DMKN: variants seen among roughly 807,000 people sequenced by gnomAD.
The protein encoded by DMKN is epidermis-specific secreted protein SK30/SK89.
A neutral mutation model predicts 67.6 loss-of-function variants in DMKN; 58 were observed. That is an observed-to-expected ratio of 0.86 (90% CI 0.69 to 1.07). DMKN has a LOEUF of 1.07. DMKN is among the 50% of genes least tolerant of loss of function. The pLI is 0.00. For missense variants in DMKN, 596 were observed against 601.5 expected, an observed-to-expected ratio of 0.99 and a Z score of 0.10; for synonymous variants, 240 against 232.3, an observed-to-expected ratio of 1.03 and a Z score of -0.30.
chr19:35,508,900 T>G (rs1465266483), intron 7 of DMKN, among the ~76,000 whole-genome samples: 1 of 152,116 alleles, frequency 6.6e-6, no homozygotes, highest in Admixed American at 6.5e-5. Context: ...ACTACTTATA[T>G]ACTTAAAACT....
intron 9 of DMKN, among the ~76,000 whole-genome samples, chr19:35,504,401 A>T (rs1005533241): frequency 1.3e-5 from 2 of 152,060 alleles, no homozygotes; most frequent in African/African-American, 4.8e-5. Flanking sequence ...ACATAGTGAA[A>T]GCCCATCTCT....
In DMKN at chr19:35,509,960, C is replaced by A; in HGVS notation, c.989G>T (p.Cys330Phe). The change falls in exon 7 of 16, where the codon TGT becomes TTT. Residue 330 changes from cysteine to phenylalanine, a missense_variant and splice_region_variant. Transcript: ENST00000339686. ...SGGGNGHKPG[C>F]EKPGNEARGS... ...GCGGGCTTCATTCCCTGGCTTTTCA[C>A]ACTGCCGGGGAGAGAAAGGGGAGAC... 6.2e-7 allele frequency: 1 copy of A among 1,614,176 alleles called. No individual in the cohort carries two copies. Among genetic ancestry groups the A allele is most frequent in the Non-Finnish European group, 8.5e-7 (1 of 1,180,016 alleles).
Position 35,513,216 on chromosome 19 carries a change from G to A in DMKN, c.260C>T (p.Pro87Leu), listed in dbSNP as rs754473029. 16 of 1,614,130 alleles carry A rather than the reference G, an allele frequency of 9.9e-6. No homozygotes were observed. The African/African-American group carries it at 1.9e-4, about 19-fold the overall frequency. The change falls in exon 1 of 16, where the codon CCA (proline) becomes CTA (leucine). Residue 87 changes from proline (P) to leucine (L), a missense_variant. Coordinates refer to ENST00000339686, the MANE Select transcript of DMKN (RefSeq NM_033317.5). ...EAVGTGVRQV[P>L]GFGVADALGN... ...CAAAGCATCTGCTACGCCAAAGCCT[G>A]GAACCTGCCTGACTCCAGTGCCAAC... is the stretch of plus-strand genomic sequence containing the variant.
chr19:35,503,328 A>G, intron 9 of DMKN: 2 of 1,536,490 alleles, frequency 1.3e-6, no homozygotes, highest in Non-Finnish European at 1.8e-6. Flanking sequence ...GGTTTATTTC[A>G]AGGGCAAGGG....
chr19:35,500,971 C>T (rs950257125), intron 11 of DMKN, among the ~76,000 whole-genome samples: 6 of 152,214 alleles, frequency 3.9e-5, no homozygotes, highest in African/African-American at 7.2e-5. Context: ...TGCACACCGA[C>T]GCCATGCCCC....
At chr19:35,505,889 G>A in intron 8 of DMKN, 50 bp downstream of exon 8, 7 of 1,614,102 alleles carry the variant, frequency 4.3e-6, no homozygotes, top group Non-Finnish European at 5.9e-6. Context: ...GCCAAGGGCA[G>A]GGGTTGGTTT....
At chr19:35,504,684 T>C (rs561322834) in intron 9 of DMKN, among the ~76,000 whole-genome samples, 2 of 152,056 alleles carry the variant, frequency 1.3e-5, no homozygotes, top group East Asian at 3.9e-4. Context: ...TACTCTCCTG[T>C]CTCCTCAATC....
intron 7 of DMKN, chr19:35,506,419 G>C (rs2069528179): frequency 1.5e-6 from 1 of 648,244 alleles, no homozygotes; most frequent in Non-Finnish European, 2.8e-6. Flanking sequence ...TCAATATTCA[G>C]ACTCTTGCCT....
chr19:35,507,286 C>A, intron 7 of DMKN: 2 of 554,968 alleles, frequency 3.6e-6, no homozygotes, highest in Non-Finnish European at 3.2e-6. Context: ...ATGAATGAAC[C>A]AAAGATGGAG....
At chr19:35,510,536 G>T in intron 5 of DMKN, 2 of 1,536,092 alleles carry the variant, frequency 1.3e-6, no homozygotes, top group Non-Finnish European at 1.8e-6. Context: ...GCCCGGCCGC[G>T]CAGTAGCCGC....
chr19:35,505,657 C>A, intron 9 of DMKN, 61 bp downstream of exon 9: 2 of 1,606,804 alleles, frequency 1.2e-6, no homozygotes, highest in Non-Finnish European at 1.7e-6. Context: ...CCCCAGCTCA[C>A]AGAGCGGAGG....
intron 10 of DMKN, 67 bp downstream of exon 10, chr19:35,502,763 G>T: frequency 6.4e-7 from 1 of 1,567,520 alleles, no homozygotes. Context: ...TGGCTGCCTT[G>T]AGGGAGGCTT....
chr19:35,506,148 G>C, intron 7 of DMKN, 162 bp from the exon 8 acceptor site: 1 of 1,555,830 alleles, frequency 6.4e-7, no homozygotes, highest in Non-Finnish European at 8.6e-7. Flanking sequence ...TCCACCAACA[G>C]CGTCACCTCC....
chr19:35,498,654 C>A lies in DMKN; in HGVS notation c.*62G>T, dbSNP rs2067846231. The stretch of plus-strand genomic sequence containing the variant: ...AGGATATACCAAGATCCTGGCCCTG[C>A]CCCGGGTGACTGTGCCTCCACTGCC... On this transcript the variant is annotated intron_variant, in intron 15 of 15. Coordinates refer to ENST00000339686, the MANE Select transcript of DMKN (RefSeq NM_033317.5). 25 of 1,607,370 alleles carry A rather than the reference C, an allele frequency of 1.6e-5. No individual in the cohort carries two copies. In the South Asian group the frequency reaches 2.5e-4, roughly 16 times the overall value.
chr19:35,505,629 T>C, intron 9 of DMKN, 89 bp downstream of exon 9: 1 of 1,560,360 alleles, frequency 6.4e-7, no homozygotes, highest in South Asian at 1.1e-5. Flanking sequence ...GCTTCCTCAG[T>C]GGCCAGCATC....
intron 9 of DMKN, 131 bp downstream of exon 9, chr19:35,505,587 G>A: frequency 8.6e-7 from 1 of 1,157,978 alleles, no homozygotes; most frequent in African/African-American, 1.6e-5. Flanking sequence ...CCCCCAGTGT[G>A]TTTAGTTTTT....
rs2069413277 is a variant in DMKN at position 35,505,944 on chromosome 19, A to G, written c.1081T>C (p.Trp361Arg). 1.9e-6 allele frequency: 3 copies of G among 1,614,084 alleles called. No homozygotes were observed. The highest frequency in any genetic ancestry group is 2.2e-5 in the South Asian group (2 of 91,088). The change falls in exon 8 of 16, where the codon TGG (tryptophan) becomes CGG (arginine). Residue 361 changes from tryptophan (W) to arginine (R), a missense_variant. Transcript: ENST00000339686. ...AGCCATCTCGCAGAACTCACCTTCC[A>G]GAAAGTGTCAAAGTTAAACATCCCA... ...SPGMFNFDTF[W>R]KNFKSKLGFI...
intron 11 of DMKN, among the ~76,000 whole-genome samples, chr19:35,501,256 T>C (rs1397301095): frequency 2.0e-5 from 3 of 152,166 alleles, no homozygotes; most frequent in Non-Finnish European, 4.4e-5. Flanking sequence ...ACTCCAGCAT[T>C]AATTCTGCCT....
In DMKN at chr19:35,498,791, G is replaced by A. The variant is rs959737752; in HGVS notation, c.1384-28C>T. On this transcript the variant is annotated intron_variant, in intron 14 of 15. Coordinates refer to ENST00000339686, the MANE Select transcript of DMKN (RefSeq NM_033317.5). ...GCCAGAAAAAGAGAAAGTCTGAGTGGCCACCACAGGGTCCCTTCCATACCC... is the reference window on the plus strand; with the variant it reads ...GCCAGAAAAAGAGAAAGTCTGAGTGACCACCACAGGGTCCCTTCCATACCC... 15 of 1,614,156 alleles carry A rather than the reference G, an allele frequency of 9.3e-6. No homozygotes were observed. In the Middle Eastern group the frequency reaches 6.6e-4, roughly 71 times the overall value.
Sources: gnomAD v4.1 joint callset for allele counts (sites outside exome capture counted in the v4.1 genomes callset) on GRCh38, gnomAD v4.1.1 for gene constraint, MANE v1.5 for transcripts, NCBI Gene and HGNC (gene_info 2026-07-23, HGNC 2026-07-21) for gene names.